Variants in LRRC4C observed in about 807,000 individuals in gnomAD.
The protein encoded by LRRC4C is leucine rich repeat containing 4C.
Under a neutral mutation model 33.6 loss-of-function variants are expected in LRRC4C, and 5 were observed. That is an observed-to-expected ratio of 0.15 (90% CI 0.08 to 0.31). The LOEUF (loss-of-function observed/expected upper bound fraction) is 0.31. Ranked by LOEUF, LRRC4C falls within the 10% of genes least tolerant of loss-of-function variation. LRRC4C has a pLI of 1.00. For missense variants in LRRC4C, 560 were observed against 796.7 expected (o/e 0.70, Z 3.58); for synonymous variants, 329 against 302.0 (o/e 1.09, Z -0.93).
At chr11:40,567,214 G>A (rs1957800288) in intron 3 of LRRC4C, among the ~76,000 whole-genome samples, 1 of 152,058 alleles carries the variant, frequency 6.6e-6, no homozygotes, top group African/African-American at 2.4e-5. Flanking sequence ...TCAAAGACTT[G>A]GAGTGATATA....
At chr11:41,409,566 T>G (rs1954381261) in intron 1 of LRRC4C, among the ~76,000 whole-genome samples, 1 of 152,184 alleles carries the variant, frequency 6.6e-6, no homozygotes, top group Non-Finnish European at 1.5e-5. Flanking sequence ...CATAGACATG[T>G]TAATTCCCAA....
chr11:40,949,653 G>A (rs1958598487), intron 1 of LRRC4C, among the ~76,000 whole-genome samples: 1 of 152,136 alleles, frequency 6.6e-6, no homozygotes, highest in South Asian at 2.1e-4. Flanking sequence ...ATACTTTACA[G>A]ACAAGCAAAT....
intron 1 of LRRC4C, among the ~76,000 whole-genome samples, chr11:41,218,097 G>C (rs1020315275): frequency 6.6e-6 from 1 of 150,856 alleles, no homozygotes; most frequent in Admixed American, 6.6e-5. Context: ...AATTATTTGG[G>C]TATGTGTTTT....
At chr11:41,156,989 GTGTT>G (rs1159253086) in intron 1 of LRRC4C, among the ~76,000 whole-genome samples, 4 of 152,036 alleles carry the variant, frequency 2.6e-5, no homozygotes, top group Non-Finnish European at 5.9e-5. Flanking sequence ...GATTGGAGAA[GTGTT>G]TGCTGTCTTC....
intron 3 of LRRC4C, among the ~76,000 whole-genome samples, chr11:40,523,906 T>C (rs901783964): frequency 1.3e-5 from 2 of 152,202 alleles, no homozygotes; most frequent in African/African-American, 4.8e-5. Flanking sequence ...AAATCCCTGA[T>C]AGTCATGTTT....
intron 1 of LRRC4C, among the ~76,000 whole-genome samples, chr11:41,002,149 G>A (rs1391048791): frequency 6.6e-6 from 1 of 152,160 alleles, no homozygotes; most frequent in Non-Finnish European, 1.5e-5. Context: ...TAATTTAACA[G>A]TTGTTATCCA....
At chr11:40,276,651 C>T (rs72891092) in intron 4 of LRRC4C, among the ~76,000 whole-genome samples, 2 of 148,386 alleles carry the variant, frequency 1.3e-5, no homozygotes, top group Admixed American at 6.8e-5. Context: ...ATTCAGGACC[C>T]GGAGATAAAT....
chr11:40,561,152 C>T (rs1422330876), intron 3 of LRRC4C, among the ~76,000 whole-genome samples: 1 of 152,096 alleles, frequency 6.6e-6, no homozygotes, highest in Non-Finnish European at 1.5e-5. Flanking sequence ...TTGCTCAGCA[C>T]AATGCTAATC....
intron 2 of LRRC4C, among the ~76,000 whole-genome samples, chr11:40,654,875 TC>T (rs2136173382): frequency 6.6e-6 from 1 of 152,228 alleles, no homozygotes; most frequent in African/African-American, 2.4e-5. Flanking sequence ...GGTGGTGGTT[TC>T]CCCCATGCCA....
intron 6 of LRRC4C, among the ~76,000 whole-genome samples, chr11:40,139,814 CT>C (rs1293357809): frequency 1.6e-4 from 24 of 152,300 alleles, no homozygotes; most frequent in African/African-American, 5.8e-4. Context: ...TTCAGATTAG[CT>C]TTTGCCTTCC....
At chr11:40,990,256 T>G (rs1162054974) in intron 1 of LRRC4C, among the ~76,000 whole-genome samples, 1 of 140,932 alleles carries the variant, frequency 7.1e-6, no homozygotes, top group African/African-American at 2.6e-5. Flanking sequence ...TATATATATA[T>G]ATATATATAT....
chr11:40,712,546 A>G (rs1197600713), intron 2 of LRRC4C, among the ~76,000 whole-genome samples: 1 of 152,210 alleles, frequency 6.6e-6, no homozygotes, highest in African/African-American at 2.4e-5. Flanking sequence ...TTCTAGAAAA[A>G]CTTACAAATA....
At chr11:41,255,318 G>T (rs1294693935) in intron 1 of LRRC4C, among the ~76,000 whole-genome samples, 2 of 151,978 alleles carry the variant, frequency 1.3e-5, no homozygotes, top group Non-Finnish European at 2.9e-5. Flanking sequence ...GTGCTTAGAA[G>T]TAATTTTAAA....
At chr11:41,259,156 A>C (rs1366878738) in intron 1 of LRRC4C, among the ~76,000 whole-genome samples, 1 of 151,966 alleles carries the variant, frequency 6.6e-6, no homozygotes, top group East Asian at 1.9e-4. Context: ...AAGGAACCTT[A>C]AAAGTCTGGT....
chr11:40,161,284 G>T (rs1590573588), intron 5 of LRRC4C, among the ~76,000 whole-genome samples: 1 of 152,138 alleles, frequency 6.6e-6, no homozygotes, highest in African/African-American at 2.4e-5. Flanking sequence ...TTTTGTTAAT[G>T]ATTGATAATG....
intron 2 of LRRC4C, among the ~76,000 whole-genome samples, chr11:40,748,234 G>A (rs77537979): frequency 0.12 from 17,860 of 151,940 alleles, 1,448 homozygotes; most frequent in East Asian, 0.41. Flanking sequence ...TTTCAGGTCA[G>A]CAAAGAATAG....
rs935612298 is a variant in LRRC4C, at chr11:40,821,718, C to T, written c.-407+111917G>A. 3.0e-4 allele frequency among the ~76,000 whole-genome samples: 45 copies of T among 151,350 alleles called. 1 individual carries two copies. Among genetic ancestry groups the T allele is most frequent in the Non-Finnish European group, 5.3e-4 (36 of 67,668 alleles). ...CAAGATCATGAAAAATAAGGAAAGA[C>T]TAAAAAACTTTCACAGACCAAAAGG... is the stretch of plus-strand genomic sequence containing the variant. On this transcript the variant is annotated intron_variant, in intron 2 of 6. Coordinates refer to ENST00000528697, the MANE Select transcript of LRRC4C (RefSeq NM_001258419.2).
At chr11:40,672,842 T>C (rs971538904) in intron 2 of LRRC4C, among the ~76,000 whole-genome samples, 4 of 152,182 alleles carry the variant, frequency 2.6e-5, no homozygotes, top group African/African-American at 7.2e-5. Flanking sequence ...CTGAGATTAG[T>C]AGCACTTAAG....
chr11:40,340,438 C>T (rs1378170196), intron 3 of LRRC4C, among the ~76,000 whole-genome samples: 1 of 152,210 alleles, frequency 6.6e-6, no homozygotes, highest in Non-Finnish European at 1.5e-5. Flanking sequence ...CTGAAAATTC[C>T]TCTTCTCTAA....
Sources: gnomAD v4.1 joint callset for allele counts (sites outside exome capture counted in the v4.1 genomes callset) on GRCh38, gnomAD v4.1.1 for gene constraint, MANE v1.5 for transcripts, NCBI Gene and HGNC (gene_info 2026-07-23, HGNC 2026-07-21) for gene names.